Variants in SRFBP1 observed in about 807,000 individuals in gnomAD.
SRFBP1 encodes the protein serum response factor-binding protein 1.
Under a neutral mutation model 45.5 loss-of-function variants are expected in SRFBP1, and 47 were observed. The ratio of observed to expected loss-of-function variants is 1.03; its 90% CI spans 0.82 to 1.32. The LOEUF (loss-of-function observed/expected upper bound fraction) is 1.32, where lower values mean the gene tolerates loss of function less well. SRFBP1 is among the 40% of genes most tolerant of loss of function. SRFBP1 has a pLI of 0.00. For synonymous variants in SRFBP1, 203 were observed against 166.3 expected (o/e 1.22, Z -1.70); for missense variants, 621 against 484.6 (o/e 1.28, Z -2.64).
intron 3 of SRFBP1, among the ~76,000 whole-genome samples, chr5:121,982,590 A>G (rs1247376627): frequency 1.3e-5 from 2 of 151,906 alleles, no homozygotes; most frequent in Non-Finnish European, 2.9e-5. Flanking sequence ...TCTGTTTTTG[A>G]ACCGCTTGCT....
At chr5:122,046,750 G>A (rs1753866898) in intron 2 of SRFBP1, among the ~76,000 whole-genome samples, 1 of 152,232 alleles carries the variant, frequency 6.6e-6, no homozygotes, top group African/African-American at 2.4e-5. Flanking sequence ...TAACTGGCGT[G>A]AGATGGTATC....
intron 7 of SRFBP1, among the ~76,000 whole-genome samples, chr5:122,023,936 T>C (rs1753415628): frequency 6.6e-6 from 1 of 152,192 alleles, no homozygotes; most frequent in Admixed American, 6.5e-5. Context: ...CACTTCCCGC[T>C]CTCATTCAGC....
intron 2 of SRFBP1, among the ~76,000 whole-genome samples, chr5:122,071,425 A>G (rs1754449864): frequency 6.6e-6 from 1 of 152,172 alleles, no homozygotes; most frequent in African/African-American, 2.4e-5. Context: ...AGTCACTGAA[A>G]TATGACATAT....
At chr5:122,047,845 T>G (rs897068331) in intron 2 of SRFBP1, among the ~76,000 whole-genome samples, 1 of 152,076 alleles carries the variant, frequency 6.6e-6, no homozygotes, top group African/African-American at 2.4e-5. Context: ...TTGGCTCTGT[T>G]TGTCTGTTAT....
chr5:122,032,583 G>A (rs1753608801), downstream of SRFBP1, among the ~76,000 whole-genome samples: 1 of 152,132 alleles, frequency 6.6e-6, no homozygotes, highest in South Asian at 2.1e-4. Flanking sequence ...GGCAATCACT[G>A]CAGATTTGTT....
At chr5:122,000,786 G>A (rs1382929784) in intron 4 of SRFBP1, among the ~76,000 whole-genome samples, 2 of 152,058 alleles carry the variant, frequency 1.3e-5, no homozygotes, top group East Asian at 3.9e-4. Context: ...TCTCCAGATA[G>A]GAACCAGAAA....
intron 4 of SRFBP1, among the ~76,000 whole-genome samples, chr5:122,012,908 T>C (rs1323100313): frequency 6.6e-6 from 1 of 152,112 alleles, no homozygotes; most frequent in African/African-American, 2.4e-5. Flanking sequence ...CTGCAAAGAT[T>C]CTTGTTTAGC....
At chr5:121,994,559 A>T in intron 3 of SRFBP1, 40 bp from the exon 4 acceptor site, 1 of 1,332,872 alleles carries the variant, frequency 7.5e-7, no homozygotes, top group African/African-American at 1.5e-5. Flanking sequence ...TGATAAAAAT[A>T]GACACATAAC....
chr5:122,076,238 T>C (rs1409873791), downstream of SRFBP1, among the ~76,000 whole-genome samples: 4 of 152,222 alleles, frequency 2.6e-5, no homozygotes, highest in African/African-American at 9.6e-5. Context: ...TTAGTGTGTC[T>C]ATATGTTCAG....
At chr5:122,014,227 T>G (rs1444395788) in intron 4 of SRFBP1, among the ~76,000 whole-genome samples, 3 of 152,186 alleles carry the variant, frequency 2.0e-5, no homozygotes, top group Non-Finnish European at 4.4e-5. Context: ...TAACATTTTA[T>G]CAGCTGATAG....
At chr5:122,023,277 C>G (rs1227031918) in intron 7 of SRFBP1, among the ~76,000 whole-genome samples, 4 of 152,176 alleles carry the variant, frequency 2.6e-5, no homozygotes, top group African/African-American at 9.7e-5. Flanking sequence ...CACTTTTCCT[C>G]CTACACAGAG....
intron 2 of SRFBP1, chr5:122,066,712 G>C: frequency 6.3e-7 from 1 of 1,591,016 alleles, no homozygotes; most frequent in South Asian, 1.1e-5. Flanking sequence ...ACCAGGCACT[G>C]ATTTATCCAT....
intron 2 of SRFBP1, among the ~76,000 whole-genome samples, chr5:122,035,533 T>C (rs1010048152): frequency 1.3e-5 from 2 of 152,206 alleles, no homozygotes; most frequent in Non-Finnish European, 2.9e-5. Context: ...CTTCCCTAGA[T>C]CTCTGGCTGC....
At chr5:122,069,108 G>T (rs1754382848) in intron 2 of SRFBP1, among the ~76,000 whole-genome samples, 1 of 152,178 alleles carries the variant, frequency 6.6e-6, no homozygotes, top group Admixed American at 6.5e-5. Flanking sequence ...GACAACACTT[G>T]TAAAGCACAG....
intron 3 of SRFBP1, among the ~76,000 whole-genome samples, chr5:121,983,498 G>A (rs1302081690): frequency 1.3e-5 from 2 of 151,644 alleles, no homozygotes; most frequent in Non-Finnish European, 3.0e-5. Context: ...TTTCTAAAAA[G>A]TATTTCACTG....
At chr5:121,980,076 T>G (rs953654510) in intron 3 of SRFBP1, among the ~76,000 whole-genome samples, 15 of 152,172 alleles carry the variant, frequency 9.9e-5, no homozygotes, top group African/African-American at 3.6e-4. Flanking sequence ...TGCTAGAGTT[T>G]CCTCCTGGTA....
chr5:121,987,847 C>G (rs1752546889), intron 3 of SRFBP1, among the ~76,000 whole-genome samples: 2 of 152,144 alleles, frequency 1.3e-5, no homozygotes, highest in African/African-American at 2.4e-5. Flanking sequence ...CAGCACAATA[C>G]AGAATAGTTT....
intron 2 of SRFBP1, chr5:122,075,177 T>C: frequency 2.4e-6 from 1 of 420,386 alleles, no homozygotes; most frequent in East Asian, 3.8e-5. Context: ...TCAATTGCTG[T>C]ATCCTATCAA....
At position 122,020,326 on chromosome 5, in the gene SRFBP1, A is replaced by G. The variant is rs1561594407; in HGVS notation, c.591A>G (p.Ala197=). 3 of 1,613,882 alleles carry G rather than the reference A, an allele frequency of 1.9e-6. No homozygotes were observed. Among genetic ancestry groups the G allele is most frequent in the Non-Finnish European group, 2.5e-6 (3 of 1,179,922 alleles). The part of the protein sequence containing the change: ...KIAKMEHGPK[A]VTIANSPSKP... ...CAAAGATGGAACATGGACCTAAAGC[A>G]GTGACTATTGCAAATTCTCCATCAA... Residue 197 remains alanine (A), a synonymous_variant, in exon 6 of 8, where the codon GCA becomes GCG. Transcript: ENST00000339397.
Sources: allele counts gnomAD v4.1 joint callset (sites outside exome capture counted in the v4.1 genomes callset), GRCh38; gene constraint gnomAD v4.1.1; transcripts MANE v1.5; gene names NCBI Gene and HGNC (gene_info 2026-07-23, HGNC 2026-07-21).